Variants in KLHL32 observed in about 807,000 individuals in gnomAD.
KLHL32 encodes kelch like family member 32, also known as kelch-like protein 32.
KLHL32 carries 35 observed loss-of-function variants against 64.8 expected under a neutral mutation model. The ratio of observed to expected loss-of-function variants is 0.54; its 90% CI spans 0.41 to 0.72. The LOEUF (loss-of-function observed/expected upper bound fraction) is 0.72. KLHL32 is among the 30% of genes least tolerant of loss of function. KLHL32 has a pLI of 0.00. For synonymous variants in KLHL32, 259 were observed against 281.0 expected, an observed-to-expected ratio of 0.92 and a Z score of 0.78; for missense variants, 589 against 768.5, an observed-to-expected ratio of 0.77 and a Z score of 2.76.
intron 5 of KLHL32, among the ~76,000 whole-genome samples, chr6:97,073,810 T>C (rs1791149385): frequency 6.6e-6 from 1 of 152,200 alleles, no homozygotes; most frequent in Non-Finnish European, 1.5e-5. Flanking sequence ...TGTCTTTCTT[T>C]CCTCTGGCTT....
At chr6:97,099,898 C>T (rs1795479508) in intron 6 of KLHL32, among the ~76,000 whole-genome samples, 1 of 151,770 alleles carries the variant, frequency 6.6e-6, no homozygotes, top group African/African-American at 2.4e-5. Flanking sequence ...AATCTGTGAT[C>T]ATTGTGGTGA....
At chr6:96,901,493 G>T in the KLHL32 span, among the ~76,000 whole-genome samples, 12 of 152,108 alleles carry the variant, frequency 7.9e-5, no homozygotes, top group East Asian at 2.1e-3. Context: ...GGACCTGCGT[G>T]GATAATCCAG....
rs796094560 is a variant in KLHL32, at chr6:96,988,444, T to A, written c.204+12267T>A. On this transcript the variant is annotated intron_variant, in intron 3 of 10. Transcript: ENST00000369261. ...AGTTAGAATGGCAATCATTAAAAAG[T>A]CAGGAAACAACAGGTGCTGGAGAGG... Among the ~76,000 whole-genome samples the A allele has an allele frequency of 5.7e-4, 86 of 152,104 alleles. No homozygotes were observed. In the East Asian group the frequency reaches 0.013, roughly 23 times the overall value.
At chr6:96,911,977 T>C in the KLHL32 span, among the ~76,000 whole-genome samples, 1,335 of 151,928 alleles carry the variant, frequency 8.8e-3, 11 homozygotes, top group Non-Finnish European at 0.012. Flanking sequence ...GGCTTCAATT[T>C]CCATCTTATT....
the KLHL32 span, among the ~76,000 whole-genome samples, chr6:96,914,546 CAA>C: frequency 6.6e-6 from 1 of 152,154 alleles, no homozygotes; most frequent in Non-Finnish European, 1.5e-5. Flanking sequence ...GATCCCCAGA[CAA>C]GTCACCCTTC....
chr6:96,912,151 C>T, the KLHL32 span, among the ~76,000 whole-genome samples: 1 of 152,070 alleles, frequency 6.6e-6, no homozygotes, highest in East Asian at 1.9e-4. Context: ...GTGGCCATCA[C>T]CTCCTCCCTA....
chr6:97,032,605 A>G (rs79653936), intron 3 of KLHL32, among the ~76,000 whole-genome samples: 4,907 of 152,168 alleles, frequency 0.032, 238 homozygotes, highest in African/African-American at 0.11. Context: ...AGTTTAAGCT[A>G]TTTTGAGTCC....
chr6:97,056,310 T>C (rs1787920824), intron 4 of KLHL32, among the ~76,000 whole-genome samples: 1 of 152,070 alleles, frequency 6.6e-6, no homozygotes, highest in South Asian at 2.1e-4. Flanking sequence ...TTTCACCATG[T>C]TAGCCAGGAT....
chr6:97,139,702 T>G lies in KLHL32; in HGVS notation c.*420T>G, dbSNP rs1800477383. ...TATTATTTAAAGCCGGGCTTGTAATTTTTCTTTTTAAAATTTAACATTATG... is the reference window on the plus strand; with the variant it reads ...TATTATTTAAAGCCGGGCTTGTAATGTTTCTTTTTAAAATTTAACATTATG... On this transcript the variant is annotated 3_prime_UTR_variant, in exon 11 of 11. Transcript: ENST00000369261. 6.5e-6 allele frequency: 1 copy of G among 153,966 alleles called. No homozygotes were observed. Among genetic ancestry groups the G allele is most frequent in the Non-Finnish European group, 1.4e-5 (1 of 69,356 alleles). 9.5% of individuals were successfully genotyped at this position (153,966 alleles called of 1,614,324 possible).
intron 6 of KLHL32, among the ~76,000 whole-genome samples, chr6:97,111,036 G>GGA (rs1797057223): frequency 6.6e-6 from 1 of 150,690 alleles, no homozygotes; most frequent in African/African-American, 2.5e-5. Context: ...GTCTTGGGGG[G>GGA]GGGGGGTCTT....
chr6:96,901,874 T>G, the KLHL32 span, among the ~76,000 whole-genome samples: 1 of 152,240 alleles, frequency 6.6e-6, no homozygotes, highest in Admixed American at 6.5e-5. Context: ...CTAAAGATAA[T>G]GGCCTCCAGC....
chr6:96,985,491 C>T (rs915621612), intron 3 of KLHL32, among the ~76,000 whole-genome samples: 2 of 152,178 alleles, frequency 1.3e-5, no homozygotes, highest in African/African-American at 2.4e-5. Flanking sequence ...CCATTCTCTT[C>T]GTCACTTTCA....
At chr6:97,111,377 T>G (rs542337064) in intron 6 of KLHL32, among the ~76,000 whole-genome samples, 1 of 152,248 alleles carries the variant, frequency 6.6e-6, no homozygotes, top group African/African-American at 2.4e-5. Context: ...CCAGATTCCC[T>G]GACCCCTTCA....
intron 7 of KLHL32, among the ~76,000 whole-genome samples, chr6:97,122,664 A>G (rs1383184642): frequency 6.6e-6 from 1 of 152,202 alleles, no homozygotes; most frequent in South Asian, 2.1e-4. Context: ...AATGGTAAGA[A>G]ATTTTTATAA....
At chr6:96,902,592 A>G in the KLHL32 span, among the ~76,000 whole-genome samples, 29 of 152,216 alleles carry the variant, frequency 1.9e-4, no homozygotes, top group African/African-American at 6.3e-4. Context: ...CTTTAGTTTA[A>G]TTAGATCCCA....
chr6:97,062,764 G>A (rs1582894460), intron 4 of KLHL32, among the ~76,000 whole-genome samples: 1 of 152,346 alleles, frequency 6.6e-6, no homozygotes, highest in East Asian at 1.9e-4. Flanking sequence ...CTTATACTGA[G>A]CAGAGAAAAA....
chr6:96,938,415 AC>A (rs918303468), intron 1 of KLHL32, among the ~76,000 whole-genome samples: 2 of 152,106 alleles, frequency 1.3e-5, no homozygotes, highest in African/African-American at 4.8e-5. Flanking sequence ...CACAGTGGAC[AC>A]CTTCTCTTCT....
At chr6:97,035,195 A>G (rs1471556273) in intron 3 of KLHL32, among the ~76,000 whole-genome samples, 2 of 152,080 alleles carry the variant, frequency 1.3e-5, no homozygotes, top group South Asian at 2.1e-4. Context: ...TGTAGTTACA[A>G]TGGTCTATTT....
intron 3 of KLHL32, among the ~76,000 whole-genome samples, chr6:96,985,012 A>G (rs11965722): frequency 0.38 from 48,634 of 129,612 alleles, 8,674 homozygotes; most frequent in African/African-American, 0.53. Flanking sequence ...GGCTGGTACC[A>G]ATTGTTCCTT....
Sources: allele counts gnomAD v4.1 joint callset (sites outside exome capture counted in the v4.1 genomes callset), GRCh38; gene constraint gnomAD v4.1.1; transcripts MANE v1.5; gene names NCBI Gene and HGNC (gene_info 2026-07-23, HGNC 2026-07-21).